NEDD9: variants seen among roughly 807,000 people sequenced by gnomAD.
NEDD9 encodes the protein enhancer of filamentation 1.
A neutral mutation model predicts 76.6 loss-of-function variants in NEDD9; 26 were observed. The ratio of observed to expected loss-of-function variants is 0.34; its 90% CI spans 0.25 to 0.47. NEDD9 has a LOEUF of 0.47. NEDD9 is among the 20% of genes least tolerant of loss of function. The pLI is 1.00. For missense variants in NEDD9, 937 were observed against 1,058.5 expected, an observed-to-expected ratio of 0.89 and a Z score of 1.59; for synonymous variants, 392 against 414.2, an observed-to-expected ratio of 0.95 and a Z score of 0.65.
At chr6:11,199,911 G>T (rs1269138605) in intron 2 of NEDD9, 1 of 154,834 alleles carries the variant, frequency 6.5e-6, no homozygotes, top group East Asian at 1.9e-4. Context: ...CTGACCTCGT[G>T]ATCCGCCCGC....
intron 2 of NEDD9, among the ~76,000 whole-genome samples, chr6:11,204,136 G>C (rs911435301): frequency 3.9e-5 from 6 of 152,322 alleles, no homozygotes; most frequent in Non-Finnish European, 7.3e-5. Flanking sequence ...AACTAAAGTG[G>C]AGTTAGTTAC....
At position 11,275,577 on chromosome 6, in the gene NEDD9, T is replaced by TATATATAC. The variant is rs1561813446; in HGVS notation, c.12+30414_12+30415insGTATATAT. Among the ~76,000 whole-genome samples the TATATATAC allele has an allele frequency of 2.7e-5, 4 of 150,920 alleles. No individual in the cohort carries two copies. The South Asian group carries it at 8.3e-4, about 31-fold the overall frequency. ...ACACACACACACACATATATATATA[T>TATATATAC]ACAAAATTTTTTTTAAAAGACCTCC... On this transcript the variant is annotated intron_variant, in intron 3 of 3. Transcript: ENST00000397378.
At chr6:11,331,887 G>A (rs1762044477) in intron 2 of NEDD9, among the ~76,000 whole-genome samples, 1 of 152,220 alleles carries the variant, frequency 6.6e-6, no homozygotes, top group Admixed American at 6.5e-5. Flanking sequence ...TGTGGCAGCA[G>A]CAAGCCCAGA....
chr6:11,235,166 CTGT>C (rs982156460), upstream of NEDD9, among the ~76,000 whole-genome samples: 51 of 151,958 alleles, frequency 3.4e-4, no homozygotes, highest in South Asian at 4.2e-4. The surrounding 1 kb of genome is among the most constrained non-coding windows in gnomAD (Gnocchi z 4.1). Flanking sequence ...GTTCTTATTA[CTGT>C]TGTTATTAGT....
intron 2 of NEDD9, among the ~76,000 whole-genome samples, chr6:11,311,617 C>G (rs1761369146): frequency 6.6e-6 from 1 of 152,154 alleles, no homozygotes; most frequent in Non-Finnish European, 1.5e-5. Context: ...GAGCACTTAC[C>G]TCATGAGATG....
intron 2 of NEDD9, among the ~76,000 whole-genome samples, chr6:11,204,719 C>CA (rs58621043): frequency 0.14 from 8,776 of 64,994 alleles, 677 homozygotes; most frequent in Middle Eastern, 0.2. Context: ...GGGTCCGTCT[C>CA]AAAAAAAAAA....
chr6:11,354,179 C>A (rs1295594879), intron 1 of NEDD9, among the ~76,000 whole-genome samples: 2 of 152,126 alleles, frequency 1.3e-5, no homozygotes, highest in Non-Finnish European at 2.9e-5. Context: ...GGAAGAAAGG[C>A]AGGAAGAAAA....
chr6:11,213,439 G>T lies in NEDD9; in HGVS notation c.301C>A (p.Pro101Thr), dbSNP rs1185645411. The T allele has an allele frequency of 6.2e-7, 1 of 1,614,102 alleles. No homozygotes were observed. Among genetic ancestry groups the T allele is most frequent in the East Asian group, 2.2e-5 (1 of 44,876 alleles). The change falls in exon 2 of 7, where the codon CCC (proline) becomes ACC (threonine). Residue 101 changes from proline (P) to threonine (T), a missense_variant. By Grantham distance (38) the Pro-to-Thr change is conservative (BLOSUM62 -1). Transcript: ENST00000379446. This position sits in a 1 kb window ranked among gnomAD's most constrained non-coding sequence, Gnocchi z 5.4. ...LYQVPNPQAA[P>T]RDTIYQVPPS... is the part of the protein sequence containing the mutation. ...GGCACTTGGTAGATGGTGTCTCGGG[G>T]AGCAGCCTGTGGGTTTGGCACTTGA...
intron 1 of NEDD9, among the ~76,000 whole-genome samples, chr6:11,355,515 C>A (rs547370004): frequency 2.7e-4 from 41 of 152,238 alleles, no homozygotes; most frequent in African/African-American, 9.4e-4. Context: ...CTGGGACTGT[C>A]CCTGTTTTAA....
At chr6:11,311,137 G>A (rs1582017381) in intron 2 of NEDD9, among the ~76,000 whole-genome samples, 3 of 133,310 alleles carry the variant, frequency 2.3e-5, no homozygotes, top group East Asian at 1.9e-4. Context: ...CAGCTCACAC[G>A]GCCTTCATCC....
At chr6:11,303,664 C>T (rs1390947001) in intron 3 of NEDD9, among the ~76,000 whole-genome samples, 1 of 152,122 alleles carries the variant, frequency 6.6e-6, no homozygotes, top group Non-Finnish European at 1.5e-5. Flanking sequence ...CACACATCTA[C>T]AACCATCTGA....
At chr6:11,264,037 G>A (rs1760160182) in intron 3 of NEDD9, among the ~76,000 whole-genome samples, 2 of 152,176 alleles carry the variant, frequency 1.3e-5, no homozygotes, top group Non-Finnish European at 2.9e-5. Flanking sequence ...TAGGGACAGT[G>A]GTAGAGCCTC....
intron 2 of NEDD9, among the ~76,000 whole-genome samples, chr6:11,211,483 C>G (rs1358936128): frequency 1.3e-5 from 2 of 152,220 alleles, no homozygotes; most frequent in Non-Finnish European, 2.9e-5. Flanking sequence ...CTCACACTGG[C>G]TCAGATGTGG....
intron 1 of NEDD9, among the ~76,000 whole-genome samples, chr6:11,344,310 G>C (rs770456735): frequency 1.3e-5 from 2 of 152,208 alleles, no homozygotes; most frequent in South Asian, 2.1e-4. Context: ...GGTCCACTCT[G>C]TTGGAAAGTC....
upstream of NEDD9, chr6:11,233,246 T>G: frequency 1.9e-6 from 1 of 519,028 alleles, no homozygotes; most frequent in Non-Finnish European, 3.8e-6. Context: ...CAAAGTACTT[T>G]GCGATGTCAG....
In NEDD9 at chr6:11,216,436, T is replaced by G. The variant is rs372170799; in HGVS notation, c.13-2709A>C. Among the ~76,000 whole-genome samples, 6 of 152,166 alleles carry G rather than the reference T, an allele frequency of 3.9e-5. No homozygotes were observed. In the East Asian group the frequency reaches 9.6e-4, roughly 24 times the overall value. ...TTGTGTCACAGATGAGGAAATAGATTTGAAGTTTATCATTTGCCCAAGACC... is the reference window on the plus strand; with the variant it reads ...TTGTGTCACAGATGAGGAAATAGATGTGAAGTTTATCATTTGCCCAAGACC... On this transcript the variant is annotated intron_variant, in intron 1 of 6. Transcript: ENST00000379446.
intron 2 of NEDD9, among the ~76,000 whole-genome samples, chr6:11,209,390 GT>G (rs1347011411): frequency 1.3e-5 from 2 of 152,140 alleles, no homozygotes; most frequent in Non-Finnish European, 2.9e-5. Context: ...AACTTGGAGA[GT>G]TTTTTTCCAC....
At chr6:11,336,031 C>G (rs529645668) in intron 1 of NEDD9, among the ~76,000 whole-genome samples, 2 of 152,184 alleles carry the variant, frequency 1.3e-5, no homozygotes, top group African/African-American at 2.4e-5. Context: ...TGGGCTCCCC[C>G]GCTTGAGACA....
At chr6:11,380,189 A>G (rs1349620084) in intron 1 of NEDD9, among the ~76,000 whole-genome samples, 1 of 152,248 alleles carries the variant, frequency 6.6e-6, no homozygotes, top group Non-Finnish European at 1.5e-5. Context: ...TGATCATTGG[A>G]AAACAGACGA....
Sources: gnomAD v4.1 joint callset for allele counts (sites outside exome capture counted in the v4.1 genomes callset) on GRCh38, gnomAD v4.1.1 for gene constraint, Gnocchi (gnomAD v3.1) non-coding constraint, MANE v1.5 for transcripts, NCBI Gene and HGNC (gene_info 2026-07-23, HGNC 2026-07-21) for gene names.